PCDHAC2: variants seen among roughly 807,000 people sequenced by gnomAD.
PCDHAC2 encodes protocadherin alpha subfamily C, 2, also known as protocadherin alpha-C2.
Under a neutral mutation model 63.3 loss-of-function variants are expected in PCDHAC2, and 24 were observed. The observed-to-expected ratio is 0.38, with a 90% CI of 0.27 to 0.53. PCDHAC2 has a LOEUF of 0.53. PCDHAC2 is among the 20% of genes least tolerant of loss of function. PCDHAC2 has a pLI of 0.81. For missense variants in PCDHAC2, 1,181 were observed against 1,275.2 expected (o/e 0.93, Z 1.12); for synonymous variants, 569 against 529.4 (o/e 1.07, Z -1.03).
intron 3 of PCDHAC2, among the ~76,000 whole-genome samples, chr5:141,007,395 C>CAAAAAAAAAAAAAA (rs35800918): frequency 1.1e-5 from 1 of 94,866 alleles, no homozygotes; most frequent in Non-Finnish European, 2.1e-5. Context: ...TACTAAAATA[C>CAAAAAAAAAAAAAA]AAAAAAAAAA....
chr5:141,005,263 A>T (rs1223276392), intron 3 of PCDHAC2, among the ~76,000 whole-genome samples: 2 of 152,198 alleles, frequency 1.3e-5, no homozygotes, highest in Admixed American at 1.3e-4. Context: ...GGCACTGGTG[A>T]TACATTGGTG....
chr5:141,003,086 G>T (rs782184121), intron 3 of PCDHAC2, among the ~76,000 whole-genome samples: 7 of 152,194 alleles, frequency 4.6e-5, no homozygotes, highest in Non-Finnish European at 1.0e-4. Flanking sequence ...GAGTTTAACA[G>T]GCCTGGCATT....
rs1554229615 is a variant in PCDHAC2, at chr5:140,967,490, C to G, written c.724C>G (p.Gln242Glu). ...CATCCCAGCCCGCTCGGGTACGGCA[C>G]AGATCTCTGTGCGTGTCCTGGACAC... ...GGIPARSGTA[Q>E]ISVRVLDTND... Residue 242 changes from glutamine (Q) to glutamate (E), a missense_variant, in exon 1 of 4, where the codon CAG becomes GAG. Coordinates refer to ENST00000289269, the MANE Select transcript of PCDHAC2 (RefSeq NM_018899.6). 1.2e-6 allele frequency: 2 copies of G among 1,613,210 alleles called. No homozygotes were observed. The highest frequency in any genetic ancestry group is 2.2e-5 in the East Asian group (1 of 44,842).
intron 1 of PCDHAC2, 146 bp from the exon 2 acceptor site, chr5:140,978,803 C>A: frequency 2.0e-6 from 3 of 1,485,240 alleles, no homozygotes; most frequent in Middle Eastern, 1.8e-4. Context: ...ATGTAGATAT[C>A]ATCATAGAGT....
rs1563652468 is a variant in PCDHAC2 at position 141,000,419 on chromosome 5, A to AT, written c.2714-9207dup. The stretch of plus-strand genomic sequence containing the variant: ...TCTATATATATATATATATATATAT[A>AT]TATTTTTTTTTTTTTTTTTTTTTTT... On this transcript the variant is annotated intron_variant, in intron 3 of 3. Transcript: ENST00000289269. 4.4e-3 allele frequency among the ~76,000 whole-genome samples: 271 copies of AT among 60,978 alleles called. 1 individual carries two copies. The highest frequency in any genetic ancestry group is 5.9e-3 in the Non-Finnish European group (210 of 35,644). The allele number at this position is 60,978 out of a possible 152,430, so 40.0% of individuals were successfully genotyped here.
chr5:140,992,789 T>G (rs2097528439), intron 3 of PCDHAC2, among the ~76,000 whole-genome samples: 1 of 152,148 alleles, frequency 6.6e-6, no homozygotes, highest in Admixed American at 6.5e-5. Flanking sequence ...AGGGTCAATT[T>G]TATGGATCCA....
intron 3 of PCDHAC2, among the ~76,000 whole-genome samples, chr5:141,005,561 G>T (rs1554260149): frequency 6.6e-6 from 1 of 151,354 alleles, no homozygotes. Flanking sequence ...AATTAGCCGG[G>T]CATGGTGGCG....
chr5:141,010,525 C>A lies in PCDHAC2; in HGVS notation c.*588C>A. On this transcript the variant is annotated 3_prime_UTR_variant, in exon 4 of 4. Coordinates refer to ENST00000289269, the MANE Select transcript of PCDHAC2 (RefSeq NM_018899.6). ...CTAAATCTTACAACTCAAGAGGTGG[C>A]AGCCACCCTCTAGGAGACAAAACTA... 1 of 436,454 alleles carries A rather than the reference C, an allele frequency of 2.3e-6. No homozygotes were observed. The highest frequency in any genetic ancestry group is 3.9e-6 in the Non-Finnish European group (1 of 256,874). 27.0% of individuals were successfully genotyped at this position (436,454 alleles called of 1,614,324 possible).
intron 3 of PCDHAC2, among the ~76,000 whole-genome samples, chr5:140,991,251 A>G (rs2097441392): frequency 6.6e-6 from 1 of 152,306 alleles, no homozygotes; most frequent in South Asian, 2.1e-4. Context: ...GCAGTATTTG[A>G]ACTCATGTCT....
At chr5:141,003,046 A>C (rs530303478) in intron 3 of PCDHAC2, among the ~76,000 whole-genome samples, 76 of 152,356 alleles carry the variant, frequency 5.0e-4, no homozygotes, top group African/African-American at 1.8e-3. Context: ...TCCTGGCCTT[A>C]ACAGAACAGT....
At chr5:140,985,982 G>A (rs1380609067) in intron 3 of PCDHAC2, among the ~76,000 whole-genome samples, 3 of 151,940 alleles carry the variant, frequency 2.0e-5, no homozygotes, top group East Asian at 1.9e-4. Flanking sequence ...CTCGTGATCC[G>A]CCCACCTCAG....
At position 140,968,394 on chromosome 5, in the gene PCDHAC2, G is replaced by A. The variant is rs782388354; in HGVS notation, c.1628G>A (p.Arg543Gln). Residue 543 changes from arginine (R) to glutamine (Q), a missense_variant, in exon 1 of 4, where the codon CGG (arginine) becomes CAG (glutamine). Physicochemically the swap from Arg to Gln is conservative, Grantham distance 43. Around this residue, in one of 3 missense-constraint regions of PCDHAC2, gnomAD observed 968 missense variants for 1,073.5 expected, o/e 0.90. Coordinates refer to ENST00000289269, the MANE Select transcript of PCDHAC2 (RefSeq NM_018899.6). ...AVNSFDYEKF[R>Q]EFFVTVEAQD... The stretch of plus-strand genomic sequence containing the variant: ...AACTCCTTTGACTATGAGAAGTTTC[G>A]GGAGTTCTTTGTGACTGTGGAGGCT... 1.9e-6 allele frequency: 3 copies of A among 1,613,942 alleles called. No homozygotes were observed. The highest frequency in any genetic ancestry group is 3.3e-5 in the Admixed American group (2 of 60,004).
At chr5:140,985,739 C>CA (rs781951589) in intron 3 of PCDHAC2, among the ~76,000 whole-genome samples, 2 of 117,920 alleles carry the variant, frequency 1.7e-5, no homozygotes, top group Non-Finnish European at 3.4e-5. Flanking sequence ...TGATGAATTC[C>CA]TTTTTTTTTT....
At chr5:141,009,528 G>A in intron 3 of PCDHAC2, 99 bp from the exon 4 acceptor site, 4 of 1,508,216 alleles carry the variant, frequency 2.7e-6, no homozygotes, top group Non-Finnish European at 3.5e-6. Flanking sequence ...TTCTGGGGAG[G>A]TTCAGCCTGC....
intron 3 of PCDHAC2, among the ~76,000 whole-genome samples, chr5:140,990,327 A>G (rs2097387817): frequency 1.3e-5 from 2 of 152,174 alleles, no homozygotes; most frequent in African/African-American, 4.8e-5. Flanking sequence ...AACAAACTTT[A>G]AAAATAAGTA....
intron 1 of PCDHAC2, among the ~76,000 whole-genome samples, chr5:140,971,957 AC>A (rs1360214556): frequency 6.6e-6 from 1 of 152,060 alleles, no homozygotes; most frequent in Non-Finnish European, 1.5e-5. Flanking sequence ...GACTCCAAAA[AC>A]TTTTTTTCAA....
At chr5:140,980,436 C>T (rs1364418994) in intron 2 of PCDHAC2, among the ~76,000 whole-genome samples, 1 of 152,134 alleles carries the variant, frequency 6.6e-6, no homozygotes, top group Admixed American at 6.5e-5. Context: ...TCGAGACCAT[C>T]CTGGACAACA....
intron 1 of PCDHAC2, among the ~76,000 whole-genome samples, chr5:140,970,589 C>T (rs74994687): frequency 6.6e-6 from 1 of 152,198 alleles, no homozygotes; most frequent in East Asian, 1.9e-4. Flanking sequence ...CAGAGATATG[C>T]TTTGTGATAC....
rs3776115 is a variant in PCDHAC2 at position 140,970,956 on chromosome 5, G to A, written c.2565+1625G>A. Among the ~76,000 whole-genome samples, 119 of 152,278 alleles carry A rather than the reference G, an allele frequency of 7.8e-4. 3 individuals carry two copies. In the East Asian group the frequency reaches 0.019, roughly 25 times the overall value. On this transcript the variant is annotated intron_variant, in intron 1 of 3. Coordinates refer to ENST00000289269, the MANE Select transcript of PCDHAC2 (RefSeq NM_018899.6). The stretch of plus-strand genomic sequence containing the variant: ...TAGTCAATGCTGAGAAACCATGGGA[G>A]GCAGATTGTAGATTAAGAAAAATGG...
Sources: allele counts gnomAD v4.1 joint callset (sites outside exome capture counted in the v4.1 genomes callset), GRCh38; gene constraint gnomAD v4.1.1; regional missense constraint gnomAD v4.1.1; transcripts MANE v1.5; gene names NCBI Gene and HGNC (gene_info 2026-07-23, HGNC 2026-07-21).